The following RFX4 variants were observed in gnomAD, a reference collection of about 807,000 sequenced individuals.
RFX4 encodes regulatory factor X4.
A neutral mutation model predicts 95.0 loss-of-function variants in RFX4; 10 were observed. The observed-to-expected ratio is 0.11, with a 90% CI of 0.06 to 0.18. The LOEUF (loss-of-function observed/expected upper bound fraction) is 0.18, where lower values mean the gene tolerates loss of function less well. Among genes scored for constraint, RFX4 ranks in the 10% least tolerant of loss-of-function variants. RFX4 has a pLI of 1.00. For synonymous variants in RFX4, 321 were observed against 340.7 expected (o/e 0.94, Z 0.64); for missense variants, 640 against 922.0 (o/e 0.69, Z 3.96).
chr12:106,590,298 C>T (rs73390197), intron 1 of RFX4, among the ~76,000 whole-genome samples: 1,561 of 152,318 alleles, frequency 0.01, 32 homozygotes, highest in African/African-American at 0.036. Context: ...AGTTAACATA[C>T]GTTCCATACT....
chr12:106,592,946 C>T (rs1349011196), intron 1 of RFX4, among the ~76,000 whole-genome samples: 1 of 152,148 alleles, frequency 6.6e-6, no homozygotes, highest in African/African-American at 2.4e-5. Flanking sequence ...GAATGAAATG[C>T]AGCCATTTTG....
At chr12:106,645,878 A>C in intron 3 of RFX4, 1 of 1,288,114 alleles carries the variant, frequency 7.8e-7, no homozygotes, top group South Asian at 1.2e-5. Flanking sequence ...GTGTTGATAG[A>C]TAATGCCACT....
chr12:106,607,877 A>G (rs2039870868), intron 1 of RFX4, among the ~76,000 whole-genome samples: 2 of 152,008 alleles, frequency 1.3e-5, no homozygotes, highest in South Asian at 4.1e-4. Context: ...AAAAAAACAA[A>G]CCATAGTCTT....
At chr12:106,620,797 C>A (rs562226767) in intron 2 of RFX4, among the ~76,000 whole-genome samples, 229 of 152,118 alleles carry the variant, frequency 1.5e-3, no homozygotes, top group Non-Finnish European at 2.7e-3. Context: ...ATCTCAACCA[C>A]ATAAGACAGA....
At chr12:106,658,254 A>G (rs1477326150) in intron 4 of RFX4, among the ~76,000 whole-genome samples, 1 of 152,184 alleles carries the variant, frequency 6.6e-6, no homozygotes, top group Non-Finnish European at 1.5e-5. Flanking sequence ...ATTTTCCATT[A>G]GCCCATTTAC....
chr12:106,719,084 T>C (rs111517578), intron 11 of RFX4, among the ~76,000 whole-genome samples: 1,549 of 152,036 alleles, frequency 0.01, 20 homozygotes, highest in African/African-American at 0.036. Context: ...ATTGCGCCAC[T>C]GCACTCCAGC....
At chr12:106,645,216 C>A (rs1402680282) in intron 3 of RFX4, among the ~76,000 whole-genome samples, 2 of 152,222 alleles carry the variant, frequency 1.3e-5, no homozygotes, top group African/African-American at 4.8e-5. Flanking sequence ...GTTAGTAAAT[C>A]CCAACTCACT....
chr12:106,653,759 C>T lies in RFX4; in HGVS notation c.192-469C>T, dbSNP rs141524503. Among the ~76,000 whole-genome samples the T allele has an allele frequency of 2.3e-4, 35 of 152,332 alleles. No individual in the cohort carries two copies. The East Asian group carries it at 6.8e-3, about 29-fold the overall frequency. On this transcript the variant is annotated intron_variant, in intron 3 of 17. Coordinates refer to ENST00000392842, the MANE Select transcript of RFX4 (RefSeq NM_213594.3). ...GCCTCTCCTGGGGCATTGGTTTTCC[C>T]AGACAATCCCCCTCCATAGCATTTG... is the stretch of plus-strand genomic sequence containing the variant.
At chr12:106,699,610 T>C (rs2041947581) in intron 8 of RFX4, among the ~76,000 whole-genome samples, 1 of 152,198 alleles carries the variant, frequency 6.6e-6, no homozygotes, top group East Asian at 1.9e-4. Context: ...TTATGTCTTA[T>C]TGGTGAATTG....
chr12:106,649,445 C>T (rs1333400891), intron 3 of RFX4, among the ~76,000 whole-genome samples: 1 of 152,156 alleles, frequency 6.6e-6, no homozygotes, highest in Non-Finnish European at 1.5e-5. Context: ...CTCAGAAGCT[C>T]CGGAAAGAGG....
At chr12:106,739,837 A>G (rs970522251) in intron 15 of RFX4, among the ~76,000 whole-genome samples, 2 of 152,194 alleles carry the variant, frequency 1.3e-5, no homozygotes, top group Admixed American at 6.5e-5. Flanking sequence ...CAAAGTTGGC[A>G]AAGTTTAGAA....
intron 17 of RFX4, among the ~76,000 whole-genome samples, chr12:106,752,032 T>C (rs61943294): frequency 0.027 from 2,625 of 97,440 alleles, no homozygotes; most frequent in African/African-American, 0.05. Context: ...TCCTGAATGG[T>C]AATGCCTAGG....
intron 3 of RFX4, among the ~76,000 whole-genome samples, chr12:106,643,722 TA>T (rs138826160): frequency 1.3e-4 from 19 of 151,372 alleles, no homozygotes; most frequent in Middle Eastern, 3.4e-3. Context: ...TTTGCTAGCT[TA>T]AAAAAAAACC....
At chr12:106,620,260 G>A (rs187867351) in intron 2 of RFX4, among the ~76,000 whole-genome samples, 242 of 152,192 alleles carry the variant, frequency 1.6e-3, no homozygotes, top group African/African-American at 5.5e-3. Flanking sequence ...TTGGGGGAAC[G>A]CACCCCCAAT....
chr12:106,658,363 C>G (rs956413586), intron 4 of RFX4, among the ~76,000 whole-genome samples: 2 of 152,188 alleles, frequency 1.3e-5, no homozygotes, highest in African/African-American at 4.8e-5. Context: ...ACTCTTCCTG[C>G]TCTGATGATG....
intron 5 of RFX4, among the ~76,000 whole-genome samples, chr12:106,685,797 T>C (rs2041633543): frequency 6.6e-6 from 1 of 152,226 alleles, no homozygotes; most frequent in African/African-American, 2.4e-5. Flanking sequence ...TATTTGAGCT[T>C]TCTTGCCTCC....
At chr12:106,644,176 C>G (rs982586624) in intron 3 of RFX4, among the ~76,000 whole-genome samples, 1 of 151,516 alleles carries the variant, frequency 6.6e-6, no homozygotes, top group African/African-American at 2.4e-5. Context: ...CTCATTTTAA[C>G]TGCAGCTCAG....
At chr12:106,749,874 C>G (rs966366510) in intron 16 of RFX4, among the ~76,000 whole-genome samples, 3 of 152,198 alleles carry the variant, frequency 2.0e-5, no homozygotes, top group Admixed American at 1.3e-4. Flanking sequence ...CCCCAGGAGA[C>G]AGCTTACAGA....
chr12:106,694,798 G>A (rs967569012), intron 7 of RFX4, among the ~76,000 whole-genome samples: 1 of 152,094 alleles, frequency 6.6e-6, no homozygotes. Context: ...ACTTTGGGAG[G>A]CCGAGGCGTG....
Sources: allele counts gnomAD v4.1 joint callset (sites outside exome capture counted in the v4.1 genomes callset), GRCh38; gene constraint gnomAD v4.1.1; transcripts MANE v1.5; gene names NCBI Gene and HGNC (gene_info 2026-07-23, HGNC 2026-07-21).